Variants in GCSAM observed in about 807,000 individuals in gnomAD.
GCSAM encodes the protein germinal center associated signaling and motility.
Under a neutral mutation model 17.6 loss-of-function variants are expected in GCSAM, and 8 were observed. That is an observed-to-expected ratio of 0.46 (90% confidence interval 0.27 to 0.82). The LOEUF (loss-of-function observed/expected upper bound fraction) is 0.82, where lower values mean the gene tolerates loss of function less well. Among genes scored for constraint, GCSAM ranks in the 40% least tolerant of loss-of-function variants. The pLI is 0.15. For synonymous variants in GCSAM, 68 were observed against 69.0 expected, an observed-to-expected ratio of 0.98 and a Z score of 0.07; for missense variants, 192 against 213.5, an observed-to-expected ratio of 0.90 and a Z score of 0.63.
intron 1 of GCSAM, among the ~76,000 whole-genome samples, chr3:112,131,877 A>G (rs2074461581): frequency 6.6e-6 from 1 of 152,200 alleles, no homozygotes; most frequent in African/African-American, 2.4e-5. Context: ...TAAATAAAAA[A>G]CCATAAGAAG....
chr3:112,129,613 T>C (rs750260983), intron 2 of GCSAM: 1 of 152,220 alleles, frequency 6.6e-6, no homozygotes, highest in Non-Finnish European at 1.5e-5. Context: ...GTGGCCCTTC[T>C]GATTTATTTC....
chr3:112,125,669 CACAGGAG>C (rs1171531154), intron 4 of GCSAM, among the ~76,000 whole-genome samples: 1 of 152,186 alleles, frequency 6.6e-6, no homozygotes, highest in Non-Finnish European at 1.5e-5. Context: ...CACAAGCTAG[CACAGGAG>C]ACAGACAAGG....
chr3:112,123,920 G>A, intron 5 of GCSAM, 148 bp from the exon 6 acceptor site: 1 of 753,520 alleles, frequency 1.3e-6, no homozygotes, highest in Non-Finnish European at 2.1e-6. Context: ...CTAAATGGCT[G>A]CTTCTACCCC....
intron 3 of GCSAM, among the ~76,000 whole-genome samples, chr3:112,127,779 A>G (rs745810989): frequency 5.3e-5 from 8 of 152,158 alleles, no homozygotes; most frequent in Non-Finnish European, 1.2e-4. Flanking sequence ...GTTAGTAGCT[A>G]GTTTCATCTT....
chr3:112,124,241 C>T (rs908868095), intron 5 of GCSAM, among the ~76,000 whole-genome samples: 3 of 152,166 alleles, frequency 2.0e-5, no homozygotes, highest in Admixed American at 6.5e-5. Context: ...TCCTTTATAG[C>T]AACACAAGTG....
intron 5 of GCSAM, 100 bp downstream of exon 5, chr3:112,125,125 TA>T: frequency 1.3e-6 from 1 of 790,792 alleles, no homozygotes. Context: ...TTTCTCCATG[TA>T]AGGGTCAGAA....
At chr3:112,131,225 C>T (rs2074442838) in intron 1 of GCSAM, among the ~76,000 whole-genome samples, 1 of 152,148 alleles carries the variant, frequency 6.6e-6, no homozygotes, top group Non-Finnish European at 1.5e-5. Context: ...GGCAACTGGT[C>T]TGAGGATCCA....
chr3:112,123,784 A>G lies in GCSAM; in HGVS notation c.220-12T>C. ...TGGTCAACATTGTCCTGCTTGTCAA[A>G]GAAGAACCATCATCAAGATTTGGTC... On this transcript the variant is annotated splice_polypyrimidine_tract_variant and intron_variant, in intron 5 of 5. Coordinates refer to ENST00000308910, the MANE Select transcript of GCSAM (RefSeq NM_152785.5). 6.2e-7 allele frequency: 1 copy of G among 1,602,070 alleles called. No individual in the cohort carries two copies. The highest frequency in any genetic ancestry group is 1.7e-4 in the Middle Eastern group (1 of 5,964).
At chr3:112,126,948 C>G (rs2074335107) in intron 4 of GCSAM, 39 bp downstream of exon 4, 1 of 1,391,312 alleles carries the variant, frequency 7.2e-7, no homozygotes, top group Non-Finnish European at 1.0e-6. Flanking sequence ...AAATGTAAGT[C>G]TTATCAAAAG....
rs1261948456 is a variant in GCSAM, at chr3:112,123,028, T to A, written c.*427A>T. Reference sequence around the variant, plus strand: ...CATGGGTGGGGACTGAGCTGGAAGGTCACAGTAATGAGTGAACTCCCCCTT... The same window carrying A: ...CATGGGTGGGGACTGAGCTGGAAGGACACAGTAATGAGTGAACTCCCCCTT... On this transcript the variant is annotated 3_prime_UTR_variant, in exon 6 of 6. Transcript: ENST00000308910. 1 of 192,528 alleles carries A rather than the reference T, an allele frequency of 5.2e-6. No homozygotes were observed. The highest frequency in any genetic ancestry group is 1.1e-5 in the Non-Finnish European group (1 of 93,366). 11.9% of individuals were successfully genotyped at this position (192,528 alleles called of 1,614,324 possible).
intron 4 of GCSAM, 105 bp downstream of exon 4, chr3:112,126,882 A>T: frequency 2.5e-6 from 2 of 802,096 alleles, no homozygotes; most frequent in Non-Finnish European, 4.3e-6. Context: ...ATGTGTAGAT[A>T]TTGTAATTGA....
intron 5 of GCSAM, among the ~76,000 whole-genome samples, chr3:112,124,953 T>A (rs2074280657): frequency 6.6e-6 from 1 of 152,196 alleles, no homozygotes; most frequent in Non-Finnish European, 1.5e-5. Context: ...TTTAGCTACA[T>A]GAGTTGATGT....
chr3:112,129,977 A>G (rs1208589158), intron 2 of GCSAM: 2 of 157,644 alleles, frequency 1.3e-5, no homozygotes, highest in East Asian at 3.6e-4. Context: ...GTTCAAAAAG[A>G]ATTAATGAGG....
intron 2 of GCSAM, 82 bp downstream of exon 2, chr3:112,130,363 C>A (rs1402382917): frequency 9.2e-7 from 1 of 1,086,544 alleles, no homozygotes; most frequent in South Asian, 1.2e-5. Flanking sequence ...CCCTCTCTCA[C>A]TGGGATGTGA....
rs1341655622 is a variant in GCSAM, at chr3:112,122,584, A to G, written c.*871T>C. On this transcript the variant is annotated 3_prime_UTR_variant, in exon 6 of 6. Transcript: ENST00000308910. ...CATATTTTATACATGACATTATTAA[A>G]TATATACATTTAGTATACATTTAAT... is the stretch of plus-strand genomic sequence containing the variant. 1 of 152,212 alleles carries G rather than the reference A, an allele frequency of 6.6e-6. No homozygotes were observed. The highest frequency in any genetic ancestry group is 1.9e-4 in the East Asian group (1 of 5,204). The allele number at this position is 152,212 out of a possible 1,614,324, so 9.4% of individuals were successfully genotyped here.
chr3:112,126,364 C>T (rs1192190257), intron 4 of GCSAM, among the ~76,000 whole-genome samples: 1 of 152,172 alleles, frequency 6.6e-6, no homozygotes, highest in Non-Finnish European at 1.5e-5. Flanking sequence ...CAGGCCTACA[C>T]TTTCTTATTT....
rs895220692 is a variant in GCSAM at position 112,130,542 on chromosome 3, A to G, written c.30-29T>C. On this transcript the variant is annotated intron_variant, in intron 1 of 5. Coordinates refer to ENST00000308910, the MANE Select transcript of GCSAM (RefSeq NM_152785.5). ...AAACTCAACATATCAGAAACAGGCT[A>G]AGTATTTCCTAAACAGGCCTGTCAC... 3.1e-6 allele frequency: 5 copies of G among 1,595,562 alleles called. No homozygotes were observed. In the Admixed American group the frequency reaches 5.0e-5, roughly 16 times the overall value.
At chr3:112,132,243 G>A (rs1184679742) in intron 1 of GCSAM, among the ~76,000 whole-genome samples, 2 of 152,108 alleles carry the variant, frequency 1.3e-5, no homozygotes, top group African/African-American at 4.8e-5. Flanking sequence ...TCGGCAAGTG[G>A]TCAAAAGTGG....
chr3:112,127,841 G>C (rs1291788175), intron 3 of GCSAM, among the ~76,000 whole-genome samples, 176 bp downstream of exon 3: 3 of 152,092 alleles, frequency 2.0e-5, no homozygotes, highest in African/African-American at 7.2e-5. Flanking sequence ...TGAGACTATT[G>C]TTCCTGTTTC....
Sources: allele counts gnomAD v4.1 joint callset (sites outside exome capture counted in the v4.1 genomes callset), GRCh38; gene constraint gnomAD v4.1.1; transcripts MANE v1.5; gene names NCBI Gene and HGNC (gene_info 2026-07-23, HGNC 2026-07-21).